The following IL1RAPL1 variants were observed in gnomAD, a reference collection of about 807,000 sequenced individuals.
IL1RAPL1 encodes the protein interleukin 1 receptor accessory protein like 1.
In IL1RAPL1, 3 loss-of-function variants were observed where a neutral mutation model predicts 48.4. The ratio of observed to expected loss-of-function variants is 0.06; its 90% CI spans 0.03 to 0.16. IL1RAPL1 has a LOEUF of 0.16. IL1RAPL1 is among the 10% of genes least tolerant of loss of function. The pLI is 1.00. For missense variants in IL1RAPL1, 349 were observed against 530.6 expected, an observed-to-expected ratio of 0.66 and a Z score of 3.36; for synonymous variants, 185 against 187.7, an observed-to-expected ratio of 0.99 and a Z score of 0.12.
chrX:28,750,578 A>T (rs1294333461), intron 1 of IL1RAPL1, among the ~76,000 whole-genome samples: 2 of 111,650 alleles, frequency 1.8e-5, no homozygotes, highest in Non-Finnish European at 3.8e-5. Context: ...AGCTTTCATC[A>T]TAGTCCTTTG....
At chrX:28,681,336 A>T (rs1346562020) in intron 1 of IL1RAPL1, among the ~76,000 whole-genome samples, 1 of 111,381 alleles carries the variant, frequency 9.0e-6, no homozygotes, top group Non-Finnish European at 1.9e-5. Flanking sequence ...TTCAGCCTTT[A>T]AAAAGAAGGA....
At chrX:29,053,224 C>A (rs991837995) in intron 2 of IL1RAPL1, among the ~76,000 whole-genome samples, 2 of 111,878 alleles carry the variant, frequency 1.8e-5, no homozygotes, top group African/African-American at 6.5e-5. Flanking sequence ...TTTTTTATGG[C>A]TGCATAGTAT....
chrX:29,849,634 C>T (rs1356373856), intron 6 of IL1RAPL1, among the ~76,000 whole-genome samples: 2 of 110,977 alleles, frequency 1.8e-5, no homozygotes, highest in East Asian at 2.8e-4. Flanking sequence ...ACTGAGCTAT[C>T]GAAAGCTTTA....
rs1923152626 is a variant in IL1RAPL1 at position 28,904,024 on chromosome X, TTA to T, written c.82+114602_82+114603del. On this transcript the variant is annotated intron_variant, in intron 2 of 10. Transcript: ENST00000378993. ...TCTCCATTACAAGATAGACCTACAG[TTA>T]TAGTTTTTTTAACACAAACTTCTAC... Among the ~76,000 whole-genome samples the T allele has an allele frequency of 2.7e-5, 3 of 110,325 alleles. No homozygotes were observed. In the South Asian group the frequency reaches 1.1e-3, roughly 42 times the overall value.
At chrX:29,852,407 C>G (rs1931388819) in intron 6 of IL1RAPL1, among the ~76,000 whole-genome samples, 1 of 112,122 alleles carries the variant, frequency 8.9e-6, no homozygotes. Flanking sequence ...GTCTTTCAGT[C>G]TACGAATCTG....
At chrX:28,963,193 T>C (rs1432230365) in intron 2 of IL1RAPL1, among the ~76,000 whole-genome samples, 1 of 111,621 alleles carries the variant, frequency 9.0e-6, no homozygotes, top group African/African-American at 3.3e-5. Flanking sequence ...ACTTTTAATG[T>C]TGCAAAGGAA....
chrX:29,878,600 T>C (rs185795035), intron 6 of IL1RAPL1, among the ~76,000 whole-genome samples: 2 of 112,106 alleles, frequency 1.8e-5, no homozygotes, highest in East Asian at 5.6e-4. Flanking sequence ...ACAAAAGCAA[T>C]GAAATAATCA....
intron 2 of IL1RAPL1, among the ~76,000 whole-genome samples, chrX:28,952,057 A>G (rs751796659): frequency 1.4e-4 from 15 of 111,105 alleles, no homozygotes; most frequent in African/African-American, 4.2e-4. Context: ...ATGTCCAGTT[A>G]TACTATAACT....
intron 6 of IL1RAPL1, among the ~76,000 whole-genome samples, chrX:29,721,739 A>G (rs1033411337): frequency 6.3e-5 from 7 of 111,872 alleles, no homozygotes; most frequent in Admixed American, 1.9e-4. Context: ...TCTCATATGC[A>G]CATACTCACG....
rs1933344737 is a variant in IL1RAPL1 at position 29,952,786 on chromosome X, A to ATTGT, written c.1202-1733_1202-1730dup. On this transcript the variant is annotated intron_variant, in intron 9 of 10. Coordinates refer to ENST00000378993, the MANE Select transcript of IL1RAPL1 (RefSeq NM_014271.4). ...GCCAAAATATGACACATTTGGTATGATTGTTTTTCTTAAACTTTTTTGCCC... is the reference window on the plus strand; with the variant it reads ...GCCAAAATATGACACATTTGGTATGATTGTTTGTTTTTCTTAAACTTTTTTGCCC... 2.7e-5 allele frequency among the ~76,000 whole-genome samples: 3 copies of ATTGT among 112,365 alleles called. No homozygotes were observed. In the South Asian group the frequency reaches 1.1e-3, roughly 41 times the overall value.
At chrX:29,293,686 G>T (rs1234486432) in intron 3 of IL1RAPL1, among the ~76,000 whole-genome samples, 2 of 110,986 alleles carry the variant, frequency 1.8e-5, no homozygotes, top group Admixed American at 1.9e-4. Flanking sequence ...TGACATAATT[G>T]GTAATTATAA....
At chrX:29,548,580 G>A (rs923975575) in intron 5 of IL1RAPL1, among the ~76,000 whole-genome samples, 1 of 111,741 alleles carries the variant, frequency 8.9e-6, no homozygotes, top group African/African-American at 3.2e-5. Context: ...AAAATTAAAC[G>A]TGAAAGGTTT....
At chrX:28,895,785 T>C (rs1489059382) in intron 2 of IL1RAPL1, among the ~76,000 whole-genome samples, 1 of 111,392 alleles carries the variant, frequency 9.0e-6, no homozygotes, top group African/African-American at 3.3e-5. Context: ...TACCCTCCAC[T>C]GTGGGAGTTA....
chrX:29,078,137 T>G (rs1927721999), intron 2 of IL1RAPL1, among the ~76,000 whole-genome samples: 1 of 111,274 alleles, frequency 9.0e-6, no homozygotes, highest in Admixed American at 9.5e-5. Context: ...CCCAGTGTGG[T>G]AGCGCACGCC....
At chrX:29,807,444 G>A (rs992594252) in intron 6 of IL1RAPL1, among the ~76,000 whole-genome samples, 47 of 106,730 alleles carry the variant, frequency 4.4e-4, no homozygotes, top group African/African-American at 1.5e-3. Flanking sequence ...GTAAAACCCC[G>A]TCTCTCCTAA....
In IL1RAPL1 at chrX:28,928,297, T is replaced by C. The variant is rs138807972; in HGVS notation, c.82+138872T>C. ...ACCTTATCTCAACCCTTATTACTTC[T>C]CACCTAGACTGTTACAATTATTTCC... On this transcript the variant is annotated intron_variant, in intron 2 of 10. Coordinates refer to ENST00000378993, the MANE Select transcript of IL1RAPL1 (RefSeq NM_014271.4). Among the ~76,000 whole-genome samples, 858 of 112,043 alleles carry C rather than the reference T, an allele frequency of 7.7e-3. 9 individuals are homozygous for C. The highest frequency in any genetic ancestry group is 0.026 in the African/African-American group (793 of 30,871).
intron 2 of IL1RAPL1, among the ~76,000 whole-genome samples, chrX:29,052,137 T>C (rs1927106545): frequency 8.9e-6 from 1 of 112,004 alleles, no homozygotes; most frequent in Middle Eastern, 4.7e-3. Flanking sequence ...TTTTATGAAC[T>C]ATACCAAATC....
chrX:28,607,733 A>C (rs1274933538), intron 1 of IL1RAPL1, among the ~76,000 whole-genome samples: 1 of 110,452 alleles, frequency 9.1e-6, no homozygotes, highest in Non-Finnish European at 1.9e-5. Context: ...ATGGAATTTG[A>C]CTATTTCAGA....
chrX:29,428,239 T>A (rs1385512562), intron 5 of IL1RAPL1, among the ~76,000 whole-genome samples: 1 of 111,923 alleles, frequency 8.9e-6, no homozygotes, highest in Non-Finnish European at 1.9e-5. Flanking sequence ...TCAACAGCCA[T>A]AGAAGTTGGT....
Sources: allele counts gnomAD v4.1 joint callset (sites outside exome capture counted in the v4.1 genomes callset), GRCh38; gene constraint gnomAD v4.1.1; transcripts MANE v1.5; gene names NCBI Gene and HGNC (gene_info 2026-07-23, HGNC 2026-07-21).